MIDN: variants seen among roughly 807,000 people sequenced by gnomAD.
MIDN encodes midbrain nucleolar protein.
In MIDN, 26 loss-of-function variants were observed where a neutral mutation model predicts 46.1. The observed-to-expected ratio is 0.56, with a 90% CI of 0.41 to 0.78. The LOEUF (loss-of-function observed/expected upper bound fraction) is 0.78, where lower values mean the gene tolerates loss of function less well. Ranked by LOEUF, MIDN falls within the 30% of genes least tolerant of loss-of-function variation. The pLI is 0.00. For missense variants in MIDN, 850 were observed against 771.8 expected (o/e 1.10, Z -1.20); for synonymous variants, 432 against 343.3 (o/e 1.26, Z -2.86).
In MIDN at chr19:1,254,037, C is replaced by T; in HGVS notation, c.468C>T (p.His156=). 3 of 1,436,068 alleles carry T rather than the reference C, an allele frequency of 2.1e-6. No homozygotes were observed. Among genetic ancestry groups the T allele is most frequent in the South Asian group, 1.4e-5 (1 of 72,952 alleles). 89.0% of individuals were successfully genotyped at this position (1,436,068 alleles called of 1,614,324 possible). The part of the protein sequence containing the change: ...YRFILFKRPW[H]RQGPQSPERG... ...TCATTTTATTTAAGCGTCCGTGGCA[C>T]CGACAGGGACCCCAGAGCCCAGAGA... is the stretch of plus-strand genomic sequence containing the variant. Residue 156 remains histidine, a synonymous_variant, in exon 5 of 9, where the codon CAC becomes CAT. Coordinates refer to ENST00000682408, the MANE Select transcript of MIDN (RefSeq NM_001388306.1).
At chr19:1,250,562 C>T (rs1474250341) in intron 2 of MIDN, 33 bp downstream of exon 2, 1 of 1,117,506 alleles carries the variant, frequency 8.9e-7, no homozygotes, top group East Asian at 4.3e-5. Flanking sequence ...CGGCCGCCCC[C>T]TCGGGCCCCG....
intron 3 of MIDN, 80 bp downstream of exon 3, chr19:1,251,729 C>A (rs553934553): frequency 2.0e-6 from 3 of 1,521,358 alleles, no homozygotes; most frequent in Non-Finnish European, 2.7e-6. Flanking sequence ...TGTCCGCACA[C>A]ACACTACCTG....
At chr19:1,248,992 G>A (rs975494782) in intron 1 of MIDN, among the ~76,000 whole-genome samples, 1 of 151,938 alleles carries the variant, frequency 6.6e-6, no homozygotes, top group African/African-American at 2.4e-5. Flanking sequence ...CCCGCGCGCA[G>A]CCCAGTCGTC....
In MIDN at chr19:1,258,242, C is replaced by A. The variant is rs2145502757; in HGVS notation, c.*970C>A. 1 of 152,750 alleles carries A rather than the reference C, an allele frequency of 6.5e-6. No homozygotes were observed. The highest frequency in any genetic ancestry group is 6.5e-5 in the Admixed American group (1 of 15,310). 9.5% of individuals were successfully genotyped at this position (152,750 alleles called of 1,614,324 possible). A position where few individuals can be genotyped will look rare whatever the true frequency, so the allele number is the denominator to read the frequency against. ...GGGGAGTTCCCCCCTCCGAGCCCTC[C>A]TTCCCGGCCCAACCTGAGGGATGTG... On this transcript the variant is annotated 3_prime_UTR_variant, in exon 9 of 9. Transcript: ENST00000682408.
Position 1,254,950 on chromosome 19 carries a change from A to G in MIDN, c.874A>G (p.Ser292Gly). Reference protein sequence around the residue: ...TASSSASPGASTTSTPGASPA... With the variant: ...TASSSASPGAGTTSTPGASPA... ...CAGCAGCAGTGCCAGTCCTGGTGCC[A>G]GCACCACGTCTACCCCAGGGGCCAG... Residue 292 changes from serine to glycine, a missense_variant, in exon 7 of 9, where the codon AGC becomes GGC. Physicochemically the swap from Ser to Gly is moderately conservative, Grantham distance 56. Transcript: ENST00000682408. 1 of 1,612,364 alleles carries G rather than the reference A, an allele frequency of 6.2e-7. No individual in the cohort carries two copies. The highest frequency in any genetic ancestry group is 8.5e-7 in the Non-Finnish European group (1 of 1,179,694).
At chr19:1,248,966 C>T (rs187740673) in intron 1 of MIDN, among the ~76,000 whole-genome samples, 2,891 of 152,142 alleles carry the variant, frequency 0.019, 41 homozygotes, top group South Asian at 0.055. Flanking sequence ...CTTTCGTTCC[C>T]GATCGGGGTT....
chr19:1,256,720 T>G (rs1161286731), intron 8 of MIDN, among the ~76,000 whole-genome samples: 1 of 152,126 alleles, frequency 6.6e-6, no homozygotes, highest in Non-Finnish European at 1.5e-5. Context: ...GCTCTGTGGC[T>G]CAGGCCTGTC....
At position 1,250,272 on chromosome 19, in the gene MIDN, C is replaced by G. The variant is rs1281886855; in HGVS notation, c.-25C>G. On this transcript the variant is annotated 5_prime_UTR_variant, in exon 2 of 9. Transcript: ENST00000682408. ...GCGAGGATTGGCGGCGCCCGCCGCC[C>G]CCAGCCCCCCAGCGCGCGCCGGGGA... 7 of 947,470 alleles carry G rather than the reference C, an allele frequency of 7.4e-6. No individual in the cohort carries two copies. Among genetic ancestry groups the G allele is most frequent in the Non-Finnish European group, 8.8e-6 (7 of 796,114 alleles). The allele number at this position is 947,470 out of a possible 1,614,324, so 58.7% of individuals were successfully genotyped here.
In MIDN at chr19:1,255,071, A is replaced by C; in HGVS notation, c.985+10A>C. 4 of 1,609,902 alleles carry C rather than the reference A, an allele frequency of 2.5e-6. No individual in the cohort carries two copies. Among genetic ancestry groups the C allele is most frequent in the Non-Finnish European group, 3.4e-6 (4 of 1,177,424 alleles). ...TCAGGGACCTTCTCTGGTAGGTGTC[A>C]CAGCACATGTGTGAGCTCACGTGTG... On this transcript the variant is annotated intron_variant, in intron 7 of 8. Coordinates refer to ENST00000682408, the MANE Select transcript of MIDN (RefSeq NM_001388306.1).
At chr19:1,252,017 G>A (rs2081135795) in intron 4 of MIDN, 116 bp downstream of exon 4, 2 of 816,608 alleles carry the variant, frequency 2.4e-6, no homozygotes, top group East Asian at 2.8e-5. Flanking sequence ...GGGAGGGGAC[G>A]CGCCACCCCG....
In MIDN at chr19:1,254,164, C is replaced by T; in HGVS notation, c.514-3C>T. On this transcript the variant is annotated splice_polypyrimidine_tract_variant and splice_region_variant and intron_variant, in intron 5 of 8. Transcript: ENST00000682408. ...CCCAGCTGACGGACCGCTCTCCTTG[C>T]AGGTCAGTGACTTCCTGTCGGGCCG... 1 of 1,592,694 alleles carries T rather than the reference C, an allele frequency of 6.3e-7. No homozygotes were observed. The highest frequency in any genetic ancestry group is 8.5e-7 in the Non-Finnish European group (1 of 1,175,040).
At position 1,257,379 on chromosome 19, in the gene MIDN, T is replaced by TC; in HGVS notation, c.*112dup. On this transcript the variant is annotated 3_prime_UTR_variant, in exon 9 of 9. Coordinates refer to ENST00000682408, the MANE Select transcript of MIDN (RefSeq NM_001388306.1). ...CCAGCCCTGGAGGGCAGGCGGCCAC[T>TC]CCCCCAGCCAGAAGTCTTTTTTTCT... The TC allele has an allele frequency of 2.4e-6, 2 of 817,790 alleles. No homozygotes were observed. The highest frequency in any genetic ancestry group is 3.2e-5 in the South Asian group (2 of 63,290). The allele number at this position is 817,790 out of a possible 1,614,324, so 50.7% of individuals were successfully genotyped here.
intron 3 of MIDN, 22 bp from the exon 4 acceptor site, chr19:1,251,817 C>G (rs762896495): frequency 6.2e-7 from 1 of 1,609,998 alleles, no homozygotes; most frequent in South Asian, 1.1e-5. Flanking sequence ...CACTCAGGCC[C>G]CTCTCCTCCC....
rs565029126 is a variant in MIDN at position 1,253,724 on chromosome 19, G to A, written c.385-230G>A. The A allele has an allele frequency of 9.3e-5, 22 of 236,348 alleles. No homozygotes were observed. The East Asian group carries it at 3.1e-3, about 33-fold the overall frequency. 14.6% of individuals were successfully genotyped at this position (236,348 alleles called of 1,614,324 possible). On this transcript the variant is annotated intron_variant, in intron 4 of 8. Coordinates refer to ENST00000682408, the MANE Select transcript of MIDN (RefSeq NM_001388306.1). ...CGTGCAGGAATTCCACCCACTTGCTGGCCCTGGTGACTTAGCTGGGAGGGG... is the reference window on the plus strand; with the variant it reads ...CGTGCAGGAATTCCACCCACTTGCTAGCCCTGGTGACTTAGCTGGGAGGGG...
intron 4 of MIDN, 31 bp downstream of exon 4, chr19:1,251,932 G>A: frequency 5.6e-6 from 9 of 1,598,242 alleles, no homozygotes; most frequent in Non-Finnish European, 7.7e-6. Context: ...TCCTAACAGG[G>A]CAGCCCTGGG....
At chr19:1,254,519 C>T in intron 6 of MIDN, 41 bp downstream of exon 6, 2 of 1,532,974 alleles carry the variant, frequency 1.3e-6, no homozygotes, top group Non-Finnish European at 1.7e-6. Flanking sequence ...GGTTGGAATC[C>T]AAAGGGTGGG....
intron 2 of MIDN, 85 bp downstream of exon 2, chr19:1,250,614 A>T (rs2081113862): frequency 2.7e-6 from 2 of 737,678 alleles, no homozygotes; most frequent in Non-Finnish European, 3.5e-6. Flanking sequence ...CGGGGAAGGC[A>T]GGGGGCGGCC....
rs2081107227 is a variant in MIDN at position 1,250,241 on chromosome 19, G to A, written c.-56G>A. On this transcript the variant is annotated 5_prime_UTR_variant, in exon 2 of 9. Coordinates refer to ENST00000682408, the MANE Select transcript of MIDN (RefSeq NM_001388306.1). ...GGGAGCCTCTCGCCCCTGTCCCGGA[G>A]GCGCGGCGAGGATTGGCGGCGCCCG... 6 of 783,242 alleles carry A rather than the reference G, an allele frequency of 7.7e-6. No homozygotes were observed. In the Admixed American group the frequency reaches 3.1e-4, roughly 41 times the overall value. The allele number at this position is 783,242 out of a possible 1,614,324, so 48.5% of individuals were successfully genotyped here. A position where few individuals can be genotyped will look rare whatever the true frequency, so the allele number is the denominator to read the frequency against.
chr19:1,255,406 C>G lies in MIDN; in HGVS notation c.986-16C>G. ...CTGTGCCCGTGCCGGGCACTCACGGCCACCTCTGCCCGCAGGCACGCTACA... is the reference window on the plus strand; with the variant it reads ...CTGTGCCCGTGCCGGGCACTCACGGGCACCTCTGCCCGCAGGCACGCTACA... On this transcript the variant is annotated splice_polypyrimidine_tract_variant and intron_variant, in intron 7 of 8. Coordinates refer to ENST00000682408, the MANE Select transcript of MIDN (RefSeq NM_001388306.1). 1 of 1,568,328 alleles carries G rather than the reference C, an allele frequency of 6.4e-7. No individual in the cohort carries two copies. The highest frequency in any genetic ancestry group is 8.6e-7 in the Non-Finnish European group (1 of 1,158,502).
Sources: gnomAD v4.1 joint callset for allele counts (sites outside exome capture counted in the v4.1 genomes callset) on GRCh38, gnomAD v4.1.1 for gene constraint, MANE v1.5 for transcripts, NCBI Gene and HGNC (gene_info 2026-07-23, HGNC 2026-07-21) for gene names.